Variants in CPOX observed in about 807,000 individuals in gnomAD.
CPOX encodes the protein coproporphyrinogen oxidase.
A neutral mutation model predicts 48.9 loss-of-function variants in CPOX; 24 were observed. The observed-to-expected ratio is 0.49, with a 90% CI of 0.36 to 0.69. CPOX has a LOEUF of 0.69. Among genes scored for constraint, CPOX ranks in the 30% least tolerant of loss-of-function variants. The pLI is 0.00. For synonymous variants in CPOX, 249 were observed against 234.6 expected, an observed-to-expected ratio of 1.06 and a Z score of -0.56; for missense variants, 549 against 597.3, an observed-to-expected ratio of 0.92 and a Z score of 0.84.
chr3:98,573,658 GA>G, the CPOX span, among the ~76,000 whole-genome samples: 1 of 152,096 alleles, frequency 6.6e-6, no homozygotes, highest in East Asian at 1.9e-4. Context: ...ATATTCTTGA[GA>G]AACTGAAGAC....
Position 98,580,343 on chromosome 3 carries a change from T to G in CPOX, c.*340A>C, listed in dbSNP as rs886058945. 1 of 1,007,710 alleles carries G rather than the reference T, an allele frequency of 9.9e-7. No individual in the cohort carries two copies. Among genetic ancestry groups the G allele is most frequent in the Non-Finnish European group, 1.2e-6 (1 of 843,024 alleles). The allele number at this position is 1,007,710 out of a possible 1,614,324, so 62.4% of individuals were successfully genotyped here. On this transcript the variant is annotated 3_prime_UTR_variant, in exon 7 of 7. Coordinates refer to ENST00000647941, the MANE Select transcript of CPOX (RefSeq NM_000097.7). ...ACAAATGAAAACTTTAAAAAATACA[T>G]GAAACAAAAACAAGATGAGAGATTT...
intron 3 of CPOX, among the ~76,000 whole-genome samples, chr3:98,589,074 C>T (rs932659411): frequency 1.3e-5 from 2 of 152,202 alleles, no homozygotes; most frequent in Non-Finnish European, 2.9e-5. Flanking sequence ...AATCCCAGCA[C>T]TTTGGGAGGC....
At chr3:98,580,813 GAC>G in intron 6 of CPOX, 43 bp from the exon 7 acceptor site, 1 of 1,602,478 alleles carries the variant, frequency 6.2e-7, no homozygotes, top group Non-Finnish European at 8.5e-7. Context: ...CATAAAAAAT[GAC>G]ACACATACCT....
At position 98,583,265 on chromosome 3, in the gene CPOX, C is replaced by T. The variant is rs112597770; in HGVS notation, c.1173-1754G>A. Among the ~76,000 whole-genome samples, 176 of 152,244 alleles carry T rather than the reference C, an allele frequency of 1.2e-3. 1 individual carries two copies. Among genetic ancestry groups the T allele is most frequent in the African/African-American group, 3.9e-3 (163 of 41,540 alleles). ...CTTTTTTAATAAAAAATTTCCATCT[C>T]CTATTCCTGGTATAGATCTGATATT... On this transcript the variant is annotated intron_variant, in intron 5 of 6. Coordinates refer to ENST00000647941, the MANE Select transcript of CPOX (RefSeq NM_000097.7).
intron 4 of CPOX, among the ~76,000 whole-genome samples, chr3:98,586,603 T>A (rs1426027209): frequency 6.6e-6 from 1 of 152,158 alleles, no homozygotes; most frequent in Admixed American, 6.5e-5. Flanking sequence ...TATTAATCTG[T>A]TCTTGAGTCT....
the CPOX span, among the ~76,000 whole-genome samples, chr3:98,572,379 T>C: frequency 1.3e-5 from 2 of 152,208 alleles, no homozygotes; most frequent in African/African-American, 2.4e-5. Flanking sequence ...ATAGCTATCA[T>C]TTTTTACTTT....
rs548849023 is a variant in CPOX at position 98,593,090 on chromosome 3, C to G, written c.415G>C (p.Gly139Arg). Residue 139 changes from glycine (G) to arginine (R), a missense_variant, in exon 1 of 7, where the codon GGC becomes CGC. By Grantham distance (125) the Gly-to-Arg change is moderately radical. Coordinates refer to ENST00000647941, the MANE Select transcript of CPOX (RefSeq NM_000097.7). ...TCGCCCGGCCTCCTTCGCAGCTCGC[C>G]CAGGTCGGTCACAGGCGGGGCCATG... Reference protein sequence around the residue: ...SFMAPPVTDLGELRRRPGDMK... With the variant: ...SFMAPPVTDLRELRRRPGDMK... 1.3e-5 allele frequency: 21 copies of G among 1,613,854 alleles called. No individual in the cohort carries two copies. The highest frequency in any genetic ancestry group is 3.3e-4 in the Middle Eastern group (2 of 6,082).
At chr3:98,578,550 G>C (rs1342929754), downstream of CPOX, among the ~76,000 whole-genome samples, 2 of 152,086 alleles carry the variant, frequency 1.3e-5, no homozygotes, top group Non-Finnish European at 2.9e-5. Context: ...TCACAATCAA[G>C]ATGTAAAACA....
chr3:98,580,665 A>G lies in CPOX; in HGVS notation c.*18T>C. ...CATCGTGTGCCCTCCAAACCCCTGC[A>G]CAGCCATTCTGCCTGCATCAACGCA... On this transcript the variant is annotated 3_prime_UTR_variant, in exon 7 of 7. Coordinates refer to ENST00000647941, the MANE Select transcript of CPOX (RefSeq NM_000097.7). 1 of 1,613,948 alleles carries G rather than the reference A, an allele frequency of 6.2e-7. No homozygotes were observed. Among genetic ancestry groups the G allele is most frequent in the Non-Finnish European group, 8.5e-7 (1 of 1,179,952 alleles).
downstream of CPOX, among the ~76,000 whole-genome samples, chr3:98,574,863 A>T (rs1360988544): frequency 2.0e-5 from 3 of 152,098 alleles, no homozygotes; most frequent in Non-Finnish European, 4.4e-5. Flanking sequence ...AGAGGCATGA[A>T]CCACCGTGCC....
chr3:98,592,927 C>G (rs1184965247), intron 1 of CPOX, 22 bp downstream of exon 1: 1 of 1,604,900 alleles, frequency 6.2e-7, no homozygotes, highest in East Asian at 2.3e-5. Flanking sequence ...CTCCAACTCC[C>G]GCCAGGGGCC....
At chr3:98,587,905 G>C (rs1194164137) in intron 4 of CPOX, among the ~76,000 whole-genome samples, 2 of 152,114 alleles carry the variant, frequency 1.3e-5, no homozygotes, top group Admixed American at 6.5e-5. Context: ...AGTTCTGAGA[G>C]AGAGGAAAAA....
rs371775885 is a variant in CPOX, at chr3:98,581,543, C to A, written c.1173-32G>T. On this transcript the variant is annotated intron_variant, in intron 5 of 6. Coordinates refer to ENST00000647941, the MANE Select transcript of CPOX (RefSeq NM_000097.7). ...TAAATACATCAAATAACATTAAGGGCCAGCTCAATAAAATCTTAAGACTAA... is the reference window on the plus strand; with the variant it reads ...TAAATACATCAAATAACATTAAGGGACAGCTCAATAAAATCTTAAGACTAA... The A allele has an allele frequency of 2.0e-6, 3 of 1,520,432 alleles. No individual in the cohort carries two copies. In the African/African-American group the frequency reaches 4.1e-5, roughly 21 times the overall value. The allele number at this position is 1,520,432 out of a possible 1,614,324, so 94.2% of individuals were successfully genotyped here.
Position 98,593,508 on chromosome 3 carries a change from C to A in CPOX, c.-4G>T. The stretch of plus-strand genomic sequence containing the variant: ...GCCTGCCCAGCTGCAAGGCCATGTT[C>A]CCGCACTATCACCTGGAGCAGTGCC... On this transcript the variant is annotated 5_prime_UTR_variant, in exon 1 of 7. Coordinates refer to ENST00000647941, the MANE Select transcript of CPOX (RefSeq NM_000097.7). 1 of 1,521,938 alleles carries A rather than the reference C, an allele frequency of 6.6e-7. No homozygotes were observed. The allele number at this position is 1,521,938 out of a possible 1,614,324, so 94.3% of individuals were successfully genotyped here. A position where few individuals can be genotyped will look rare whatever the true frequency, so the allele number is the denominator to read the frequency against.
downstream of CPOX, among the ~76,000 whole-genome samples, chr3:98,576,498 A>C (rs921571224): frequency 6.6e-6 from 1 of 152,200 alleles, no homozygotes; most frequent in Non-Finnish European, 1.5e-5. Flanking sequence ...AACCCTAACC[A>C]TATCAGTGAG....
chr3:98,579,479 A>G lies in CPOX; in HGVS notation c.*1204T>C. On this transcript the variant is annotated 3_prime_UTR_variant, in exon 7 of 7. Coordinates refer to ENST00000647941, the MANE Select transcript of CPOX (RefSeq NM_000097.7). Reference sequence around the variant, plus strand: ...ATTTAATAATAAAATTTATTAGCAGATCTCTTGTAAGACAGTTGAAGAATT... The same window carrying G: ...ATTTAATAATAAAATTTATTAGCAGGTCTCTTGTAAGACAGTTGAAGAATT... 2.3e-6 allele frequency: 2 copies of G among 867,272 alleles called. No individual in the cohort carries two copies. Among genetic ancestry groups the G allele is most frequent in the South Asian group, 1.1e-4 (2 of 18,840 alleles). 53.7% of individuals were successfully genotyped at this position (867,272 alleles called of 1,614,324 possible). A position where few individuals can be genotyped will look rare whatever the true frequency, so the allele number is the denominator to read the frequency against.
At chr3:98,577,262 T>C (rs771397419), downstream of CPOX, among the ~76,000 whole-genome samples, 1 of 152,174 alleles carries the variant, frequency 6.6e-6, no homozygotes, top group Non-Finnish European at 1.5e-5. Context: ...GGTGGATTGC[T>C]TGAATGTCAG....
intron 5 of CPOX, among the ~76,000 whole-genome samples, 190 bp downstream of exon 5, chr3:98,585,251 G>A (rs1707339117): frequency 2.6e-5 from 4 of 152,096 alleles, no homozygotes; most frequent in Admixed American, 2.6e-4. Flanking sequence ...ATGTATAGAT[G>A]AATTAAATAA....
At chr3:98,574,686 A>G (rs528002764), downstream of CPOX, among the ~76,000 whole-genome samples, 1 of 152,250 alleles carries the variant, frequency 6.6e-6, no homozygotes, top group South Asian at 2.1e-4. Context: ...GGTTCAAGCG[A>G]TTCTCCTGCC....
Sources: gnomAD v4.1 joint callset for allele counts (sites outside exome capture counted in the v4.1 genomes callset) on GRCh38, gnomAD v4.1.1 for gene constraint, MANE v1.5 for transcripts, NCBI Gene and HGNC (gene_info 2026-07-23, HGNC 2026-07-21) for gene names.